Variants in MYLK4 observed in about 807,000 individuals in gnomAD.
MYLK4 encodes caMLCK like.
A neutral mutation model predicts 48.1 loss-of-function variants in MYLK4; 46 were observed. The observed-to-expected ratio is 0.96, with a 90% CI of 0.75 to 1.22. The LOEUF is 1.22. Among genes scored for constraint, MYLK4 ranks in the 50% most tolerant of loss-of-function variants. MYLK4 has a pLI of 0.00. For missense variants in MYLK4, 451 were observed against 486.1 expected (o/e 0.93, Z 0.68); for synonymous variants, 170 against 180.8 (o/e 0.94, Z 0.48).
At chr6:2,755,706 GT>G (rs140042561), upstream of MYLK4, among the ~76,000 whole-genome samples, 539 of 152,054 alleles carry the variant, frequency 3.5e-3, 10 homozygotes, top group East Asian at 0.047. Flanking sequence ...ACCAGGCTAA[GT>G]TTTGTATTTT....
the MYLK4 span, chr6:2,768,841 C>T: frequency 6.2e-7 from 1 of 1,613,234 alleles, no homozygotes; most frequent in South Asian, 1.1e-5. Flanking sequence ...GAAAACCATC[C>T]TTTTTATTGA....
intron 2 of MYLK4, among the ~76,000 whole-genome samples, chr6:2,724,326 A>G (rs1306565097): frequency 6.6e-6 from 1 of 152,182 alleles, no homozygotes; most frequent in African/African-American, 2.4e-5. Context: ...CTGAGGTTCC[A>G]AAAAGGAGTT....
At chr6:2,762,840 T>C in the MYLK4 span, among the ~76,000 whole-genome samples, 9 of 152,236 alleles carry the variant, frequency 5.9e-5, no homozygotes, top group South Asian at 2.1e-4. Flanking sequence ...ATCTCTTAAG[T>C]TAGCCGTTCC....
At position 2,685,813 on chromosome 6, in the gene MYLK4, GT is replaced by G. The variant is rs1761518041; in HGVS notation, c.342-238del. On this transcript the variant is annotated intron_variant, in intron 4 of 12. Transcript: ENST00000274643. This position sits in a 1 kb window ranked among gnomAD's most constrained non-coding sequence, Gnocchi z 4.5. Reference sequence around the variant, plus strand: ...CGGCCGGGCACGGTGGCTCACACCTGTAATCCCAGCACTTTGGGAGGCCGAG... The same window carrying G: ...CGGCCGGGCACGGTGGCTCACACCTGAATCCCAGCACTTTGGGAGGCCGAG... Among the ~76,000 whole-genome samples the G allele has an allele frequency of 6.6e-6, 1 of 152,164 alleles. No individual in the cohort carries two copies. Among genetic ancestry groups the G allele is most frequent in the East Asian group, 1.9e-4 (1 of 5,190 alleles).
chr6:2,681,988 C>T (rs1761322918), intron 7 of MYLK4, among the ~76,000 whole-genome samples: 1 of 152,158 alleles, frequency 6.6e-6, no homozygotes, highest in African/African-American at 2.4e-5. Context: ...GATTTTTAGC[C>T]TCTGACTTTG....
At chr6:2,697,461 C>A (rs563383580) in intron 2 of MYLK4, among the ~76,000 whole-genome samples, 4 of 152,332 alleles carry the variant, frequency 2.6e-5, no homozygotes, top group East Asian at 1.9e-4. Flanking sequence ...GCCATAGGAT[C>A]CAGATTTGAA....
chr6:2,765,135 G>C, the MYLK4 span, among the ~76,000 whole-genome samples: 1 of 145,770 alleles, frequency 6.9e-6, no homozygotes, highest in Non-Finnish European at 1.5e-5. Flanking sequence ...GGAGGGCTGC[G>C]TCCGCCACCG....
At chr6:2,744,603 A>G (rs1764011115) in intron 2 of MYLK4, among the ~76,000 whole-genome samples, 1 of 152,220 alleles carries the variant, frequency 6.6e-6, no homozygotes, top group Admixed American at 6.5e-5. Flanking sequence ...ACTGCAATCA[A>G]AATAGGAAAA....
chr6:2,694,906 G>T (rs1351108659), intron 2 of MYLK4, among the ~76,000 whole-genome samples: 1 of 150,282 alleles, frequency 6.7e-6, no homozygotes, highest in Non-Finnish European at 1.5e-5. Flanking sequence ...TCTTTCTGGG[G>T]AAAAAAAAAG....
rs2113095413 is a variant in MYLK4, at chr6:2,675,054, T to C, written c.1112A>G (p.Asn371Ser). Residue 371 changes from asparagine (N) to serine (S), a missense_variant, in exon 11 of 13, where the codon AAT becomes AGT. Transcript: ENST00000274643. ...GCAAGAAGCCGTGGTCACCTGGGCATTGAGTCTGGAGTGGAGCTTGTGGTC... is the reference window on the plus strand; with the variant it reads ...GCAAGAAGCCGTGGTCACCTGGGCACTGAGTCTGGAGTGGAGCTTGTGGTC... ...LSDHKLHSRLNAQKKKNRGSD... is the reference protein window; with the variant it reads ...LSDHKLHSRLSAQKKKNRGSD... The C allele has an allele frequency of 1.2e-6, 2 of 1,613,672 alleles. No individual in the cohort carries two copies. The highest frequency in any genetic ancestry group is 2.2e-5 in the East Asian group (1 of 44,882).
At chr6:2,752,949 A>G (rs1764333222), upstream of MYLK4, among the ~76,000 whole-genome samples, 1 of 152,206 alleles carries the variant, frequency 6.6e-6, no homozygotes, top group Non-Finnish European at 1.5e-5. Flanking sequence ...ACAAAAAAAC[A>G]GGTTATACAT....
At chr6:2,717,607 A>G (rs1367626000) in intron 2 of MYLK4, among the ~76,000 whole-genome samples, 3 of 152,218 alleles carry the variant, frequency 2.0e-5, no homozygotes, top group Non-Finnish European at 4.4e-5. Flanking sequence ...ATAAACACCT[A>G]TATGTTTGAG....
chr6:2,680,558 G>C, intron 7 of MYLK4: 1 of 985,394 alleles, frequency 1.0e-6, no homozygotes, highest in Non-Finnish European at 1.2e-6. Context: ...AGGCCTTGAG[G>C]GGAGCAAGAA....
the MYLK4 span, chr6:2,768,831 G>A: frequency 1.9e-6 from 3 of 1,613,392 alleles, no homozygotes; most frequent in Non-Finnish European, 2.5e-6. Context: ...TTTTCAAAAG[G>A]AAAACCATCC....
At position 2,680,304 on chromosome 6, in the gene MYLK4, A is replaced by G; in HGVS notation, c.688-13T>C. 6.2e-7 allele frequency: 1 copy of G among 1,613,836 alleles called. No individual in the cohort carries two copies. Among genetic ancestry groups the G allele is most frequent in the East Asian group, 2.2e-5 (1 of 44,886 alleles). ...GGATATTCTCAGGCTGCCAGGAGAA[A>G]GAGACACATTAGCAATGAAAACAAC... On this transcript the variant is annotated splice_polypyrimidine_tract_variant and intron_variant, in intron 7 of 12. Transcript: ENST00000274643.
At chr6:2,695,754 C>T (rs1211445461) in intron 2 of MYLK4, among the ~76,000 whole-genome samples, 1 of 152,174 alleles carries the variant, frequency 6.6e-6, no homozygotes, top group Non-Finnish European at 1.5e-5. Flanking sequence ...CTTTTCAGGA[C>T]TGCAACCAAA....
At chr6:2,769,711 G>C in the MYLK4 span, among the ~76,000 whole-genome samples, 3 of 152,282 alleles carry the variant, frequency 2.0e-5, no homozygotes, top group East Asian at 5.8e-4. Context: ...TTGAGTGCTT[G>C]CTGTGGAAGA....
At chr6:2,758,409 A>G in the MYLK4 span, among the ~76,000 whole-genome samples, 11 of 151,624 alleles carry the variant, frequency 7.3e-5, no homozygotes, top group East Asian at 9.7e-4. Flanking sequence ...CAAAAATGTT[A>G]TAAGTATACA....
Position 2,665,990 on chromosome 6 carries a change from A to G in MYLK4, c.*1935T>C, listed in dbSNP as rs934127874. 1 of 152,234 alleles carries G rather than the reference A, an allele frequency of 6.6e-6. No individual in the cohort carries two copies. The highest frequency in any genetic ancestry group is 6.5e-5 in the Admixed American group (1 of 15,284). 9.4% of individuals were successfully genotyped at this position (152,234 alleles called of 1,614,324 possible). A position where few individuals can be genotyped will look rare whatever the true frequency, so the allele number is the denominator to read the frequency against. On this transcript the variant is annotated 3_prime_UTR_variant, in exon 13 of 13. Coordinates refer to ENST00000274643, the MANE Select transcript of MYLK4 (RefSeq NM_001012418.5). ...TTAAGCATAGTCACATCACAGGAAC[A>G]TAAGAAACCAACCTCGGATAAATGC...
Sources: allele counts gnomAD v4.1 joint callset (sites outside exome capture counted in the v4.1 genomes callset), GRCh38; gene constraint gnomAD v4.1.1; non-coding constraint Gnocchi (gnomAD v3.1); transcripts MANE v1.5; gene names NCBI Gene and HGNC (gene_info 2026-07-23, HGNC 2026-07-21).